FAM120A: variants seen among roughly 807,000 people sequenced by gnomAD.
FAM120A encodes family with sequence similarity 120 member A.
FAM120A carries 15 observed loss-of-function variants against 109.7 expected under a neutral mutation model. The ratio of observed to expected loss-of-function variants is 0.14; its 90% CI spans 0.09 to 0.21. The LOEUF (loss-of-function observed/expected upper bound fraction) is 0.21. FAM120A is among the 10% of genes least tolerant of loss of function. FAM120A has a pLI of 1.00. For synonymous variants in FAM120A, 493 were observed against 572.8 expected, an observed-to-expected ratio of 0.86 and a Z score of 1.99; for missense variants, 899 against 1,439.3, an observed-to-expected ratio of 0.62 and a Z score of 6.07.
At chr9:93,542,882 T>A (rs189457436) in intron 10 of FAM120A, among the ~76,000 whole-genome samples, 4 of 152,374 alleles carry the variant, frequency 2.6e-5, no homozygotes, top group Admixed American at 1.3e-4. Flanking sequence ...TACACTGTTA[T>A]AACTAAAACT....
At chr9:93,453,579 C>A (rs1232586540) in intron 1 of FAM120A, 3 of 985,260 alleles carry the variant, frequency 3.0e-6, no homozygotes, top group Non-Finnish European at 3.6e-6. Context: ...GGTAGTTAAG[C>A]CTAAAATGAT....
chr9:93,560,942 G>A (rs1057152625), intron 15 of FAM120A, among the ~76,000 whole-genome samples, 167 bp from the exon 16 acceptor site: 2 of 152,204 alleles, frequency 1.3e-5, no homozygotes, highest in Non-Finnish European at 2.9e-5. Flanking sequence ...AAGTCAAACA[G>A]TGTGCACATA....
rs528528076 is a variant in FAM120A at position 93,498,177 on chromosome 9, G to A, written c.933+578G>A. On this transcript the variant is annotated intron_variant, in intron 4 of 17. Transcript: ENST00000277165. This position sits in a 1 kb window ranked among gnomAD's most constrained non-coding sequence, Gnocchi z 4.4. ...TGGGAGGCCGAGGCGGGCGGATCAC[G>A]AGGTCAGGAGTTTGAGACTAGCCTG... 5.9e-5 allele frequency among the ~76,000 whole-genome samples: 9 copies of A among 152,282 alleles called. No individual in the cohort carries two copies. The highest frequency in any genetic ancestry group is 3.3e-4 in the Admixed American group (5 of 15,302).
intron 17 of FAM120A, among the ~76,000 whole-genome samples, chr9:93,563,686 A>G (rs1862546495): frequency 6.6e-6 from 1 of 152,212 alleles, no homozygotes; most frequent in South Asian, 2.1e-4. Context: ...CATTTTTTTC[A>G]GAGGCTTATT....
chr9:93,528,721 G>T (rs1861196827), intron 8 of FAM120A, among the ~76,000 whole-genome samples: 1 of 152,192 alleles, frequency 6.6e-6, no homozygotes, highest in Admixed American at 6.5e-5. Context: ...CTGTGGCTTA[G>T]CAGGTTTTTG....
chr9:93,558,053 AT>A, intron 14 of FAM120A, 43 bp downstream of exon 14: 1 of 1,511,732 alleles, frequency 6.6e-7, no homozygotes, highest in African/African-American at 1.4e-5. Context: ...CAGATGCCAG[AT>A]TCCTGTAAAG....
At chr9:93,542,240 G>T (rs1861727679) in intron 10 of FAM120A, among the ~76,000 whole-genome samples, 1 of 152,218 alleles carries the variant, frequency 6.6e-6, no homozygotes, top group South Asian at 2.1e-4. Context: ...CACTGGGCAA[G>T]GGACAACACC....
intron 10 of FAM120A, among the ~76,000 whole-genome samples, chr9:93,534,576 G>A (rs755140900): frequency 6.6e-5 from 10 of 152,116 alleles, no homozygotes; most frequent in Non-Finnish European, 1.2e-4. Flanking sequence ...ACAAGGGAAC[G>A]CCGTATCTTC....
chr9:93,498,160 C>A lies in FAM120A; in HGVS notation c.933+561C>A, dbSNP rs564246102. 1.3e-5 allele frequency among the ~76,000 whole-genome samples: 2 copies of A among 152,096 alleles called. No homozygotes were observed. The highest frequency in any genetic ancestry group is 1.3e-4 in the Admixed American group (2 of 15,278). On this transcript the variant is annotated intron_variant, in intron 4 of 17. Transcript: ENST00000277165. The surrounding 1 kb of genome is among the most constrained non-coding windows in gnomAD (Gnocchi z 4.4). ...CTGTAATCCCAGTACTCTGGGAGGC[C>A]GAGGCGGGCGGATCACGAGGTCAGG...
At chr9:93,468,839 G>C (rs1487930909) in intron 1 of FAM120A, among the ~76,000 whole-genome samples, 4 of 152,212 alleles carry the variant, frequency 2.6e-5, no homozygotes. Context: ...CCGGGTTAAA[G>C]AGTGTGAACG....
Position 93,452,951 on chromosome 9 carries a change from T to TA in FAM120A, c.474+563dup. 2.9e-6 allele frequency: 4 copies of TA among 1,387,054 alleles called. No individual in the cohort carries two copies. Among genetic ancestry groups the TA allele is most frequent in the Non-Finnish European group, 3.7e-6 (4 of 1,075,266 alleles). 85.9% of individuals were successfully genotyped at this position (1,387,054 alleles called of 1,614,324 possible). A position where few individuals can be genotyped will look rare whatever the true frequency, so the allele number is the denominator to read the frequency against. On this transcript the variant is annotated intron_variant, in intron 1 of 17. Transcript: ENST00000277165. This position sits in a 1 kb window ranked among gnomAD's most constrained non-coding sequence, Gnocchi z 7.0. ...GTCTAAGGGCCAGTGCCCTGGCCTC[T>TA]ACTTCAGAACGCAGTGCCCTGTCCG...
intron 15 of FAM120A, among the ~76,000 whole-genome samples, chr9:93,559,681 T>A (rs1189948541): frequency 6.6e-6 from 1 of 151,798 alleles, no homozygotes; most frequent in Admixed American, 6.6e-5. Flanking sequence ...CCATGTTTCC[T>A]CTCTGCTTCT....
At chr9:93,543,598 T>C (rs1424934051) in intron 11 of FAM120A, 127 bp downstream of exon 11, 4 of 1,222,854 alleles carry the variant, frequency 3.3e-6, no homozygotes, top group Non-Finnish European at 4.5e-6. Flanking sequence ...AAATTTATTG[T>C]CATCCCATAT....
intron 5 of FAM120A, among the ~76,000 whole-genome samples, chr9:93,504,222 T>C (rs1400427590): frequency 6.6e-6 from 1 of 152,134 alleles, no homozygotes; most frequent in Non-Finnish European, 1.5e-5. Flanking sequence ...AGAATGTGGT[T>C]GAAGCACAGA....
At chr9:93,559,369 C>G (rs1454245138) in intron 15 of FAM120A, among the ~76,000 whole-genome samples, 1 of 152,216 alleles carries the variant, frequency 6.6e-6, no homozygotes, top group East Asian at 1.9e-4. Context: ...ATCTGCCCAT[C>G]AAGTCACATA....
chr9:93,557,293 C>A (rs892728568), intron 13 of FAM120A, among the ~76,000 whole-genome samples: 1 of 152,026 alleles, frequency 6.6e-6, no homozygotes, highest in African/African-American at 2.4e-5. Flanking sequence ...CCATGCCCAG[C>A]TAATTTTTGT....
chr9:93,524,166 ATCTTT>A (rs1860968354), intron 7 of FAM120A, among the ~76,000 whole-genome samples: 3 of 152,282 alleles, frequency 2.0e-5, no homozygotes, highest in South Asian at 2.1e-4. Flanking sequence ...TGTGAATTTG[ATCTTT>A]TCTTTTCTAA....
intron 4 of FAM120A, 61 bp downstream of exon 4, chr9:93,497,660 G>A (rs1859631293): frequency 1.9e-6 from 3 of 1,538,504 alleles, no homozygotes; most frequent in Non-Finnish European, 2.6e-6. Flanking sequence ...TTGCATAGTG[G>A]TGTGGCCAGG....
chr9:93,509,978 C>T (rs537724275), intron 5 of FAM120A, among the ~76,000 whole-genome samples: 9 of 152,220 alleles, frequency 5.9e-5, no homozygotes, highest in Non-Finnish European at 1.2e-4. Flanking sequence ...TTTTGAGATG[C>T]GTCCTAGTTC....
Sources: gnomAD v4.1 joint callset for allele counts (sites outside exome capture counted in the v4.1 genomes callset) on GRCh38, gnomAD v4.1.1 for gene constraint, Gnocchi (gnomAD v3.1) non-coding constraint, MANE v1.5 for transcripts, NCBI Gene and HGNC (gene_info 2026-07-23, HGNC 2026-07-21) for gene names.